The following LUZP2 variants were observed in gnomAD, a reference collection of about 807,000 sequenced individuals.
LUZP2 encodes leucine zipper protein 2.
In LUZP2, 52 loss-of-function variants were observed where a neutral mutation model predicts 51.6. That is an observed-to-expected ratio of 1.01 (90% CI 0.81 to 1.27). The LOEUF (loss-of-function observed/expected upper bound fraction) is 1.27. Ranked by LOEUF, LUZP2 falls within the 50% of genes most tolerant of loss-of-function variation. The probability of loss-of-function intolerance (pLI) is 0.00; values close to 1 mark genes in which losing one functional copy is unlikely to be tolerated. For missense variants in LUZP2, 436 were observed against 395.4 expected, an observed-to-expected ratio of 1.10 and a Z score of -0.87; for synonymous variants, 154 against 137.3, an observed-to-expected ratio of 1.12 and a Z score of -0.85.
chr11:24,590,371 G>T (rs1273713918), intron 1 of LUZP2, among the ~76,000 whole-genome samples: 1 of 152,048 alleles, frequency 6.6e-6, no homozygotes, highest in African/African-American at 2.4e-5. Flanking sequence ...TCTAATCAGG[G>T]TAGTTAGTTT....
chr11:24,939,018 A>T (rs991369762), intron 7 of LUZP2, among the ~76,000 whole-genome samples: 23 of 152,038 alleles, frequency 1.5e-4, no homozygotes, highest in African/African-American at 5.1e-4. Context: ...TTTAAATTGG[A>T]AGGCCTAGCA....
intron 5 of LUZP2, among the ~76,000 whole-genome samples, chr11:24,769,025 A>G (rs75507165): frequency 0.08 from 12,221 of 152,268 alleles, 1,060 homozygotes; most frequent in African/African-American, 0.22. Context: ...AAAATGTGGT[A>G]TATATAAACA....
intron 1 of LUZP2, among the ~76,000 whole-genome samples, chr11:24,673,869 C>G (rs1291088426): frequency 1.3e-5 from 2 of 152,172 alleles, no homozygotes; most frequent in Non-Finnish European, 2.9e-5. Flanking sequence ...AACACATATT[C>G]ACTTCCTAAA....
At chr11:24,991,394 G>GTA (rs1327713711) in intron 9 of LUZP2, among the ~76,000 whole-genome samples, 9 of 109,374 alleles carry the variant, frequency 8.2e-5, no homozygotes, top group South Asian at 5.9e-4. Flanking sequence ...GTGTGTGTGT[G>GTA]TGTATATATA....
intron 7 of LUZP2, among the ~76,000 whole-genome samples, chr11:24,931,633 TTTTG>T (rs996856071): frequency 2.6e-5 from 4 of 152,176 alleles, no homozygotes; most frequent in Admixed American, 6.5e-5. Context: ...ATCCTTAGAC[TTTTG>T]TTTGTTTGTT....
intron 7 of LUZP2, among the ~76,000 whole-genome samples, chr11:24,937,788 A>G (rs1854630181): frequency 6.6e-6 from 1 of 151,868 alleles, no homozygotes; most frequent in South Asian, 2.1e-4. Context: ...GTAGTTCCAG[A>G]CACATGGGAG....
At chr11:25,031,841 A>ATAAG (rs1254152329) in intron 9 of LUZP2, among the ~76,000 whole-genome samples, 3 of 152,202 alleles carry the variant, frequency 2.0e-5, no homozygotes, top group Non-Finnish European at 4.4e-5. Flanking sequence ...TCTTGGATGT[A>ATAAG]TAAGTTATTT....
intron 9 of LUZP2, among the ~76,000 whole-genome samples, chr11:25,009,878 C>T (rs1355407464): frequency 6.6e-6 from 1 of 152,174 alleles, no homozygotes; most frequent in Non-Finnish European, 1.5e-5. Flanking sequence ...TTCATCCTCA[C>T]CCATGACCTT....
At chr11:24,776,959 G>A (rs12287385) in intron 5 of LUZP2, among the ~76,000 whole-genome samples, 12,162 of 150,810 alleles carry the variant, frequency 0.081, 1,064 homozygotes, top group African/African-American at 0.22. Context: ...TCCCAACAGG[G>A]CAAGGGTTCC....
At chr11:24,974,304 A>G (rs1369012615) in intron 7 of LUZP2, among the ~76,000 whole-genome samples, 1 of 151,750 alleles carries the variant, frequency 6.6e-6, no homozygotes, top group Non-Finnish European at 1.5e-5. Context: ...TCCTCCATCC[A>G]TTTATTTTGA....
intron 5 of LUZP2, among the ~76,000 whole-genome samples, chr11:24,874,405 T>A (rs1852182895): frequency 6.6e-6 from 1 of 152,040 alleles, no homozygotes; most frequent in Admixed American, 6.6e-5. Flanking sequence ...GGTGAGGCAT[T>A]TATGGACCTC....
chr11:24,628,039 G>C (rs1854744585), intron 1 of LUZP2, among the ~76,000 whole-genome samples: 1 of 152,168 alleles, frequency 6.6e-6, no homozygotes, highest in Non-Finnish European at 1.5e-5. Flanking sequence ...TGTTGAGCTG[G>C]TGACAATTCA....
At chr11:24,919,782 T>A (rs1256907931) in intron 7 of LUZP2, among the ~76,000 whole-genome samples, 2 of 150,810 alleles carry the variant, frequency 1.3e-5, no homozygotes, top group East Asian at 1.9e-4. Flanking sequence ...TGAAAATTAT[T>A]TTAAAATATT....
At chr11:24,888,587 G>A (rs1404380391) in intron 5 of LUZP2, among the ~76,000 whole-genome samples, 1 of 152,054 alleles carries the variant, frequency 6.6e-6, no homozygotes, top group African/African-American at 2.4e-5. Flanking sequence ...GACATTTTTA[G>A]GCAGATCTGA....
rs116878418 is a variant in LUZP2, at chr11:24,628,006, G to A, written c.63-101163G>A. Reference sequence around the variant, plus strand: ...AGACCCTGAAATATTTACTGTCTGGGGCATTTTCAGTCTTTGGCTCCATGT... The same window carrying A: ...AGACCCTGAAATATTTACTGTCTGGAGCATTTTCAGTCTTTGGCTCCATGT... On this transcript the variant is annotated intron_variant, in intron 1 of 11. Coordinates refer to ENST00000336930, the MANE Select transcript of LUZP2 (RefSeq NM_001009909.4). Among the ~76,000 whole-genome samples the A allele has an allele frequency of 6.1e-3, 929 of 152,154 alleles. 4 individuals are homozygous for A. The highest frequency in any genetic ancestry group is 0.011 in the Non-Finnish European group (718 of 67,996).
chr11:25,044,870 TATGCAGCC>T (rs1209689783), intron 9 of LUZP2, among the ~76,000 whole-genome samples: 2 of 151,982 alleles, frequency 1.3e-5, no homozygotes, highest in Non-Finnish European at 2.9e-5. Context: ...CACGGAATAC[TATGCAGCC>T]ATGAAAAATG....
intron 5 of LUZP2, among the ~76,000 whole-genome samples, chr11:24,769,093 A>T (rs78069634): frequency 0.08 from 12,213 of 152,234 alleles, 1,061 homozygotes; most frequent in African/African-American, 0.22. Flanking sequence ...GCAAACATGG[A>T]TGAACCTAGA....
intron 5 of LUZP2, chr11:24,890,895 T>TC: frequency 4.7e-6 from 1 of 213,848 alleles, no homozygotes; most frequent in Non-Finnish European, 5.2e-6. Flanking sequence ...GTAAAAGTTC[T>TC]TTTTTTTTTT....
chr11:25,027,641 G>A (rs1203755739), intron 9 of LUZP2, among the ~76,000 whole-genome samples: 2 of 152,092 alleles, frequency 1.3e-5, no homozygotes, highest in African/African-American at 4.8e-5. Flanking sequence ...GGAGGCCAAA[G>A]CAGGTGGATC....
Sources: gnomAD v4.1 joint callset for allele counts (sites outside exome capture counted in the v4.1 genomes callset) on GRCh38, gnomAD v4.1.1 for gene constraint, MANE v1.5 for transcripts, NCBI Gene and HGNC (gene_info 2026-07-23, HGNC 2026-07-21) for gene names.